DLG2: variants seen among roughly 807,000 people sequenced by gnomAD.
DLG2 encodes the protein disks large homolog 2.
Under a neutral mutation model 132.5 loss-of-function variants are expected in DLG2, and 45 were observed. The observed-to-expected ratio is 0.34, with a 90% CI of 0.27 to 0.44. The LOEUF (loss-of-function observed/expected upper bound fraction) is 0.44. Ranked by LOEUF, DLG2 falls within the 20% of genes least tolerant of loss-of-function variation. DLG2 has a pLI of 1.00. For synonymous variants in DLG2, 424 were observed against 419.6 expected, an observed-to-expected ratio of 1.01 and a Z score of -0.13; for missense variants, 1,045 against 1,196.9, an observed-to-expected ratio of 0.87 and a Z score of 1.87.
chr11:84,154,647 C>A lies in DLG2; in HGVS notation c.624+8814G>T, dbSNP rs551630851. Among the ~76,000 whole-genome samples the A allele has an allele frequency of 4.6e-5, 7 of 152,220 alleles. No individual in the cohort carries two copies. In the East Asian group the frequency reaches 7.7e-4, roughly 17 times the overall value. On this transcript the variant is annotated intron_variant, in intron 9 of 27. Coordinates refer to ENST00000376104, the MANE Select transcript of DLG2 (RefSeq NM_001142699.3). ...ATATCTCCTAATGCTATCCCTCCCC[C>A]CTTCCCCCACCCCACGACAGGCCCT...
At chr11:84,859,538 AC>A (rs1278152153) in intron 6 of DLG2, among the ~76,000 whole-genome samples, 1 of 150,436 alleles carries the variant, frequency 6.6e-6, no homozygotes, top group Non-Finnish European at 1.5e-5. Flanking sequence ...ATATGTTATA[AC>A]CAACATACTA....
At chr11:84,633,220 C>A (rs996379731) in intron 6 of DLG2, among the ~76,000 whole-genome samples, 2 of 152,168 alleles carry the variant, frequency 1.3e-5, no homozygotes, top group Non-Finnish European at 2.9e-5. Flanking sequence ...TCAGACTTCT[C>A]AGCATATTAT....
chr11:83,925,859 C>T (rs1483397), intron 15 of DLG2, among the ~76,000 whole-genome samples: 60,853 of 151,890 alleles, frequency 0.4, 12,527 homozygotes, highest in Middle Eastern at 0.45. Flanking sequence ...GAAAAACTTA[C>T]TCTCCCAAAG....
At chr11:84,952,361 C>T (rs948077402) in intron 6 of DLG2, among the ~76,000 whole-genome samples, 1 of 151,958 alleles carries the variant, frequency 6.6e-6, no homozygotes, top group Non-Finnish European at 1.5e-5. Context: ...ACTAAAAATA[C>T]AAAAAATTAG....
At chr11:84,168,970 G>C (rs1285048597) in intron 8 of DLG2, among the ~76,000 whole-genome samples, 1 of 151,838 alleles carries the variant, frequency 6.6e-6, no homozygotes. Flanking sequence ...CTTTACACTT[G>C]ACCTTACATA....
chr11:84,723,220 T>C (rs2062036522), intron 6 of DLG2, among the ~76,000 whole-genome samples: 2 of 152,192 alleles, frequency 1.3e-5, no homozygotes, highest in African/African-American at 2.4e-5. Flanking sequence ...CAATAATATC[T>C]AACACAGTCT....
intron 11 of DLG2, among the ~76,000 whole-genome samples, chr11:83,995,441 T>G (rs554110966): frequency 6.6e-6 from 1 of 152,268 alleles, no homozygotes; most frequent in South Asian, 2.1e-4. Context: ...ATTTTAACCA[T>G]GAAAATGACT....
At chr11:84,435,463 A>T (rs1012852940) in intron 7 of DLG2, among the ~76,000 whole-genome samples, 3 of 152,180 alleles carry the variant, frequency 2.0e-5, no homozygotes, top group Non-Finnish European at 4.4e-5. Flanking sequence ...CATGTTGCTT[A>T]TCATGACCTA....
At chr11:85,342,589 G>C (rs1402485462) in intron 3 of DLG2, among the ~76,000 whole-genome samples, 1 of 152,136 alleles carries the variant, frequency 6.6e-6, no homozygotes, top group African/African-American at 2.4e-5. Context: ...TAAAAGTTTA[G>C]TACAGTAAAC....
intron 7 of DLG2, among the ~76,000 whole-genome samples, chr11:84,395,733 A>C (rs1004831358): frequency 6.6e-6 from 1 of 152,250 alleles, no homozygotes; most frequent in African/African-American, 2.4e-5. Flanking sequence ...CGCAGTGTAT[A>C]TGTACCTCAA....
At chr11:85,274,566 G>T (rs1249720080) in intron 4 of DLG2, among the ~76,000 whole-genome samples, 1 of 151,940 alleles carries the variant, frequency 6.6e-6, no homozygotes, top group East Asian at 1.9e-4. Flanking sequence ...CACACTGTAG[G>T]GTCTCAGAAA....
At chr11:85,028,932 T>C (rs994330710) in intron 6 of DLG2, among the ~76,000 whole-genome samples, 1 of 152,142 alleles carries the variant, frequency 6.6e-6, no homozygotes, top group African/African-American at 2.4e-5. Context: ...CCCGCTGCAG[T>C]TGGCGTCTTC....
intron 19 of DLG2, among the ~76,000 whole-genome samples, chr11:83,587,005 T>C (rs1445649899): frequency 6.6e-6 from 1 of 152,248 alleles, no homozygotes; most frequent in African/African-American, 2.4e-5. Context: ...CTTTAAATCC[T>C]GACTCCTCTT....
At chr11:84,414,711 G>T (rs569367286) in intron 7 of DLG2, among the ~76,000 whole-genome samples, 1 of 152,110 alleles carries the variant, frequency 6.6e-6, no homozygotes, top group African/African-American at 2.4e-5. Context: ...AATATTATGC[G>T]ACTATTTACA....
intron 3 of DLG2, among the ~76,000 whole-genome samples, chr11:85,418,191 T>A (rs949578504): frequency 6.6e-6 from 1 of 152,206 alleles, no homozygotes; most frequent in African/African-American, 2.4e-5. Flanking sequence ...TGCCTTAATT[T>A]TGTTATTTAC....
chr11:85,547,047 T>A (rs768258468), intron 3 of DLG2, among the ~76,000 whole-genome samples: 86 of 152,158 alleles, frequency 5.7e-4, no homozygotes, highest in Non-Finnish European at 1.1e-3. Flanking sequence ...CCCTCCATTA[T>A]GATGCCAGCT....
chr11:84,456,776 C>T (rs1326201362), intron 7 of DLG2, among the ~76,000 whole-genome samples: 1 of 151,220 alleles, frequency 6.6e-6, no homozygotes, highest in African/African-American at 2.4e-5. Context: ...CCCATCCTCA[C>T]TAGAATGCAA....
chr11:84,267,335 T>C (rs1015396081), intron 7 of DLG2, among the ~76,000 whole-genome samples: 6 of 152,250 alleles, frequency 3.9e-5, no homozygotes, highest in Non-Finnish European at 7.3e-5. Context: ...TTCTGGTTAC[T>C]AGGCATAAGG....
chr11:83,522,804 G>A (rs796706379), intron 21 of DLG2, among the ~76,000 whole-genome samples: 2 of 132,290 alleles, frequency 1.5e-5, no homozygotes, highest in African/African-American at 5.6e-5. Context: ...TAATTTTAGA[G>A]CCCCCCCCCC....
Sources: allele counts gnomAD v4.1 joint callset (sites outside exome capture counted in the v4.1 genomes callset), GRCh38; gene constraint gnomAD v4.1.1; transcripts MANE v1.5; gene names NCBI Gene and HGNC (gene_info 2026-07-23, HGNC 2026-07-21).